Variants in STK24 observed in about 807,000 individuals in gnomAD.
The protein encoded by STK24 is serine/threonine-protein kinase 24.
A neutral mutation model predicts 55.6 loss-of-function variants in STK24; 21 were observed. The ratio of observed to expected loss-of-function variants is 0.38; its 90% CI spans 0.27 to 0.54. The LOEUF is 0.54. Among genes scored for constraint, STK24 ranks in the 20% least tolerant of loss-of-function variants. The pLI is 0.79. For synonymous variants in STK24, 200 were observed against 215.2 expected (o/e 0.93, Z 0.62); for missense variants, 383 against 538.4 (o/e 0.71, Z 2.86).
At chr13:98,525,861 G>C (rs1042336993) in intron 1 of STK24, among the ~76,000 whole-genome samples, 9 of 152,366 alleles carry the variant, frequency 5.9e-5, no homozygotes, top group African/African-American at 2.2e-4. Flanking sequence ...ATCCCATGCA[G>C]GGTCTGAATA....
At chr13:98,528,876 T>G (rs1386982608) in intron 1 of STK24, among the ~76,000 whole-genome samples, 1 of 152,102 alleles carries the variant, frequency 6.6e-6, no homozygotes, top group African/African-American at 2.4e-5. Context: ...CTATCCCTAC[T>G]GGAGCGGGCG....
At chr13:98,460,236 A>G in intron 9 of STK24, 136 bp downstream of exon 9, 1 of 805,450 alleles carries the variant, frequency 1.2e-6, no homozygotes, top group Non-Finnish European at 2.1e-6. Flanking sequence ...TTGGGAAGGC[A>G]CCATGCAGGC....
At chr13:98,455,190 C>T (rs1893395840) in intron 10 of STK24, 3 of 152,196 alleles carry the variant, frequency 2.0e-5, no homozygotes, top group Admixed American at 2.0e-4. Context: ...ATTGTTGAAA[C>T]TAATTTCACT....
chr13:98,512,917 G>T (rs1594627510), intron 2 of STK24, among the ~76,000 whole-genome samples: 1 of 152,346 alleles, frequency 6.6e-6, no homozygotes, highest in Non-Finnish European at 1.5e-5. Context: ...GGAAAGCAGG[G>T]TTTATAAGGA....
chr13:98,525,823 A>G (rs1350503477), intron 1 of STK24, among the ~76,000 whole-genome samples: 1 of 152,238 alleles, frequency 6.6e-6, no homozygotes, highest in Non-Finnish European at 1.5e-5. Flanking sequence ...GAGAGTGAGG[A>G]TCCAGCACCT....
rs369841333 is a variant in STK24, at chr13:98,461,782, T to G, written c.1045A>C (p.Arg349=). Reference sequence around the variant, plus strand: ...GGAGTGAGCAGACGTACCTTATTTCTGTCCAAGTCCGATGGCTGAAGAGCT... The same window carrying G: ...GGAGTGAGCAGACGTACCTTATTTCGGTCCAAGTCCGATGGCTGAAGAGCT... ...NGALQPSDLD[R]NKMKDIPKRP... The change falls in exon 8 of 11, where the codon AGA becomes CGA. Residue 349 remains arginine, a synonymous_variant. Coordinates refer to ENST00000539966, the MANE Select transcript of STK24 (RefSeq NM_001032296.4). 29 of 1,613,980 alleles carry G rather than the reference T, an allele frequency of 1.8e-5. No homozygotes were observed. Among genetic ancestry groups the G allele is most frequent in the Non-Finnish European group, 2.4e-5 (28 of 1,179,944 alleles).
chr13:98,470,297 G>A (rs1353483544), intron 5 of STK24, among the ~76,000 whole-genome samples: 1 of 115,860 alleles, frequency 8.6e-6, no homozygotes, highest in Non-Finnish European at 1.9e-5. Context: ...TCTTTGTAGA[G>A]GTGGGAGTCG....
intron 8 of STK24, 37 bp downstream of exon 8, chr13:98,461,735 CTG>C (rs1566345786): frequency 6.2e-7 from 1 of 1,606,244 alleles, no homozygotes; most frequent in African/African-American, 1.3e-5. Context: ...ACACTGCAGA[CTG>C]AGGTCAGCGT....
chr13:98,500,801 TA>T (rs1895428147), intron 2 of STK24, among the ~76,000 whole-genome samples: 1 of 151,614 alleles, frequency 6.6e-6, no homozygotes, highest in African/African-American at 2.4e-5. Flanking sequence ...CCCAACTTAA[TA>T]AAATACAGTG....
chr13:98,517,904 C>T (rs1050080678), intron 2 of STK24, among the ~76,000 whole-genome samples: 2 of 152,190 alleles, frequency 1.3e-5, no homozygotes, highest in Admixed American at 6.5e-5. Flanking sequence ...AAGGAAAATA[C>T]GCATTAAGTA....
intron 1 of STK24, chr13:98,576,210 T>C: frequency 1.0e-6 from 1 of 985,278 alleles, no homozygotes; most frequent in African/African-American, 1.7e-5. Flanking sequence ...GTTACCTTCC[T>C]CCACTCCACC....
intron 2 of STK24, among the ~76,000 whole-genome samples, chr13:98,489,382 T>C (rs1284315888): frequency 6.6e-6 from 1 of 152,218 alleles, no homozygotes; most frequent in Non-Finnish European, 1.5e-5. Flanking sequence ...GAACCATTCC[T>C]GAGCTGGAAA....
chr13:98,485,518 G>GC (rs1894771536), intron 2 of STK24, among the ~76,000 whole-genome samples: 1 of 152,184 alleles, frequency 6.6e-6, no homozygotes, highest in African/African-American at 2.4e-5. Flanking sequence ...GAATCTTGTA[G>GC]CCCCAAGCTG....
chr13:98,563,745 A>C (rs1446519614), intron 1 of STK24, among the ~76,000 whole-genome samples: 2 of 152,056 alleles, frequency 1.3e-5, no homozygotes, highest in African/African-American at 2.4e-5. Context: ...CTATAGTCCC[A>C]GCTACTCGGG....
intron 7 of STK24, among the ~76,000 whole-genome samples, chr13:98,463,153 C>T (rs1189220594): frequency 6.6e-6 from 1 of 152,148 alleles, no homozygotes; most frequent in Admixed American, 6.5e-5. Flanking sequence ...GCTCGGACTT[C>T]CAGACACAAG....
In STK24 at chr13:98,454,799, C is replaced by T. The variant is rs1220700683; in HGVS notation, c.1260-1590G>A. On this transcript the variant is annotated intron_variant, in intron 10 of 10. Transcript: ENST00000539966. Reference sequence around the variant, plus strand: ...GGAGCAGGGAAGGAAGAAGTGGGTACCACAGCCAAGCCTGCAGAGAGATGA... The same window carrying T: ...GGAGCAGGGAAGGAAGAAGTGGGTATCACAGCCAAGCCTGCAGAGAGATGA... The T allele has an allele frequency of 2.6e-5, 4 of 152,224 alleles. No individual in the cohort carries two copies. The East Asian group carries it at 7.7e-4, about 29-fold the overall frequency. 9.4% of individuals were successfully genotyped at this position (152,224 alleles called of 1,614,324 possible).
chr13:98,576,376 C>T (rs998358913), intron 1 of STK24, among the ~76,000 whole-genome samples: 1 of 152,042 alleles, frequency 6.6e-6, no homozygotes, highest in Non-Finnish European at 1.5e-5. Flanking sequence ...GCCCCGGGAC[C>T]CGGCGGGGGC....
chr13:98,456,247 A>G (rs1594567491), intron 10 of STK24: 1 of 335,844 alleles, frequency 3.0e-6, no homozygotes, highest in East Asian at 8.1e-5. Flanking sequence ...ATCACTTCCA[A>G]ATAGCAAAAG....
chr13:98,548,861 CAAAAAAAAAAAA>C (rs55793722), intron 1 of STK24, among the ~76,000 whole-genome samples: 12 of 37,804 alleles, frequency 3.2e-4, no homozygotes, highest in African/African-American at 5.4e-4. Context: ...GACTCTGTCT[CAAAAAAAAAAAA>C]AAAAAAAAAA....
Sources: allele counts gnomAD v4.1 joint callset (sites outside exome capture counted in the v4.1 genomes callset), GRCh38; gene constraint gnomAD v4.1.1; transcripts MANE v1.5; gene names NCBI Gene and HGNC (gene_info 2026-07-23, HGNC 2026-07-21).